Variants in SETBP1 observed in about 807,000 individuals in gnomAD.
SETBP1 encodes the protein SET binding protein 1.
A neutral mutation model predicts 101.0 loss-of-function variants in SETBP1; 9 were observed. The observed-to-expected ratio is 0.09, with a 90% CI of 0.05 to 0.16. SETBP1 has a LOEUF of 0.16. Among genes scored for constraint, SETBP1 ranks in the 10% least tolerant of loss-of-function variants. SETBP1 has a pLI of 1.00. For synonymous variants in SETBP1, 818 were observed against 788.5 expected (o/e 1.04, Z -0.63); for missense variants, 1,858 against 2,033.8 (o/e 0.91, Z 1.66).
intron 3 of SETBP1, among the ~76,000 whole-genome samples, chr18:44,929,575 T>C (rs2070780237): frequency 1.3e-5 from 2 of 152,224 alleles, no homozygotes; most frequent in African/African-American, 4.8e-5. Flanking sequence ...GAGCATGGAA[T>C]GTTCTTCCAT....
intron 2 of SETBP1, among the ~76,000 whole-genome samples, chr18:44,709,059 A>G (rs2069284998): frequency 6.6e-6 from 1 of 152,014 alleles, no homozygotes; most frequent in Admixed American, 6.6e-5. Context: ...ATATTTTGGG[A>G]ATATTTGGTT....
intron 2 of SETBP1, among the ~76,000 whole-genome samples, chr18:44,864,898 A>T (rs921772688): frequency 2.0e-5 from 3 of 151,872 alleles, no homozygotes; most frequent in Non-Finnish European, 4.4e-5. Flanking sequence ...ACTGTTTCCC[A>T]ATGGGATGGA....
chr18:45,055,946 T>C (rs1245446472), intron 5 of SETBP1, among the ~76,000 whole-genome samples: 1 of 152,254 alleles, frequency 6.6e-6, no homozygotes, highest in African/African-American at 2.4e-5. Context: ...AACTGCTCTT[T>C]CTATAGCATG....
chr18:45,029,985 A>T (rs535001569), intron 4 of SETBP1, among the ~76,000 whole-genome samples: 5 of 147,214 alleles, frequency 3.4e-5, no homozygotes, highest in Middle Eastern at 3.4e-3. Flanking sequence ...CTCTTTTCCT[A>T]ATTGAATACC....
At chr18:44,882,551 G>C (rs1706933117) in intron 3 of SETBP1, among the ~76,000 whole-genome samples, 1 of 151,488 alleles carries the variant, frequency 6.6e-6, no homozygotes, top group Non-Finnish European at 1.5e-5. Flanking sequence ...CTATGATAAA[G>C]GCCTCTTTGC....
At chr18:44,961,867 T>C (rs2071619186) in intron 4 of SETBP1, among the ~76,000 whole-genome samples, 1 of 152,214 alleles carries the variant, frequency 6.6e-6, no homozygotes, top group Non-Finnish European at 1.5e-5. Context: ...GAACAAGTTA[T>C]CACAAGTTCG....
chr18:44,898,594 C>T (rs1225200695), intron 3 of SETBP1, among the ~76,000 whole-genome samples: 1 of 152,108 alleles, frequency 6.6e-6, no homozygotes, highest in African/African-American at 2.4e-5. Context: ...GCCAGGAAGG[C>T]TGCCTCCAGG....
chr18:44,727,186 C>CTGTGGGTG (rs1555673194), intron 2 of SETBP1, among the ~76,000 whole-genome samples: 3 of 145,188 alleles, frequency 2.1e-5, no homozygotes, highest in Admixed American at 6.9e-5. Context: ...TATTTGATCA[C>CTGTGGGTG]TGTGTGTGTG....
intron 4 of SETBP1, among the ~76,000 whole-genome samples, chr18:45,034,059 G>C (rs2073348558): frequency 6.6e-6 from 1 of 152,150 alleles, no homozygotes; most frequent in Non-Finnish European, 1.5e-5. Context: ...TATTATCCAA[G>C]GTTGCAGAGC....
chr18:44,712,660 G>C (rs1196344779), intron 2 of SETBP1, among the ~76,000 whole-genome samples: 1 of 152,168 alleles, frequency 6.6e-6, no homozygotes, highest in Middle Eastern at 3.4e-3. Flanking sequence ...CTTCCTGCTT[G>C]ATTCCTACCA....
At chr18:44,867,919 A>G (rs1599248554) in intron 2 of SETBP1, among the ~76,000 whole-genome samples, 3 of 152,218 alleles carry the variant, frequency 2.0e-5, no homozygotes, top group Non-Finnish European at 2.9e-5. Flanking sequence ...TGACCCAAAC[A>G]AAACATTGTT....
intron 4 of SETBP1, among the ~76,000 whole-genome samples, chr18:44,998,706 T>C (rs949593952): frequency 1.3e-5 from 2 of 152,178 alleles, no homozygotes; most frequent in African/African-American, 4.8e-5. Context: ...GCACTCAGGA[T>C]GATGTTGGGG....
chr18:45,000,372 G>C (rs149959387), intron 4 of SETBP1, among the ~76,000 whole-genome samples: 1 of 152,308 alleles, frequency 6.6e-6, no homozygotes, highest in Non-Finnish European at 1.5e-5. Flanking sequence ...GGACAGAACA[G>C]GGGCTATAGT....
chr18:44,888,263 C>T (rs2069693418), intron 3 of SETBP1, among the ~76,000 whole-genome samples: 1 of 151,988 alleles, frequency 6.6e-6, no homozygotes, highest in Non-Finnish European at 1.5e-5. Flanking sequence ...GAATTTATCC[C>T]TTGTGAGTTA....
chr18:44,756,543 C>T (rs577874557), intron 2 of SETBP1, among the ~76,000 whole-genome samples: 12 of 152,282 alleles, frequency 7.9e-5, no homozygotes, highest in African/African-American at 2.4e-4. Flanking sequence ...CCAGGGCACA[C>T]GGGGAGTGCT....
intron 3 of SETBP1, chr18:44,869,552 T>A (rs953376316): frequency 2.2e-5 from 10 of 457,318 alleles, no homozygotes; most frequent in Non-Finnish European, 3.2e-5. Flanking sequence ...GAATGTTAAG[T>A]GTTGGGGATT....
chr18:44,998,239 AGG>A (rs1244740902), intron 4 of SETBP1, among the ~76,000 whole-genome samples: 147 of 152,370 alleles, frequency 9.6e-4, no homozygotes, highest in Non-Finnish European at 1.6e-4. Flanking sequence ...AACCCTTGAC[AGG>A]AGCATTTCTA....
chr18:44,734,462 A>G (rs1247542435), intron 2 of SETBP1, among the ~76,000 whole-genome samples: 1 of 152,196 alleles, frequency 6.6e-6, no homozygotes, highest in African/African-American at 2.4e-5. Flanking sequence ...AGAAAGTGAA[A>G]AAATTTAGTT....
chr18:45,011,322 A>G (rs918926276), intron 4 of SETBP1, among the ~76,000 whole-genome samples: 1 of 152,196 alleles, frequency 6.6e-6, no homozygotes, highest in African/African-American at 2.4e-5. Flanking sequence ...AACCAGCAAG[A>G]TCGTCTAGAT....
Sources: gnomAD v4.1 joint callset for allele counts (sites outside exome capture counted in the v4.1 genomes callset) on GRCh38, gnomAD v4.1.1 for gene constraint, MANE v1.5 for transcripts, NCBI Gene and HGNC (gene_info 2026-07-23, HGNC 2026-07-21) for gene names.